TRHR: variants seen among roughly 807,000 people sequenced by gnomAD.
The protein encoded by TRHR is thyrotropin-releasing hormone receptor.
Under a neutral mutation model 28.0 loss-of-function variants are expected in TRHR, and 14 were observed. That is an observed-to-expected ratio of 0.50 (90% CI 0.33 to 0.78). TRHR has a LOEUF of 0.78. TRHR is among the 30% of genes least tolerant of loss of function. The pLI is 0.02. For missense variants in TRHR, 438 were observed against 469.5 expected (o/e 0.93, Z 0.62); for synonymous variants, 176 against 171.9 (o/e 1.02, Z -0.18).
intron 2 of TRHR, among the ~76,000 whole-genome samples, chr8:109,111,645 T>C (rs1473270672): frequency 6.6e-6 from 1 of 152,206 alleles, no homozygotes; most frequent in Non-Finnish European, 1.5e-5. Flanking sequence ...CATAACTCCA[T>C]AATTATATTT....
intron 2 of TRHR, among the ~76,000 whole-genome samples, chr8:109,104,441 G>A (rs541766010): frequency 1.3e-5 from 2 of 152,202 alleles, no homozygotes; most frequent in East Asian, 3.9e-4. Flanking sequence ...ACTGCTAGGG[G>A]AAATGCTATG....
chr8:109,087,472 T>C lies in TRHR; in HGVS notation c.-41T>C. ...AGGTGGGCGCTGGAAAGAAGATGTT[T>C]TGAGAAGTCAGTGTTTCCGAGAAAC... On this transcript the variant is annotated 5_prime_UTR_variant, in exon 2 of 3. Coordinates refer to ENST00000518632, the MANE Select transcript of TRHR (RefSeq NM_003301.7). 1.2e-6 allele frequency: 2 copies of C among 1,611,610 alleles called. No individual in the cohort carries two copies. The highest frequency in any genetic ancestry group is 1.7e-6 in the Non-Finnish European group (2 of 1,178,638).
chr8:109,100,375 C>T (rs1225367872), intron 2 of TRHR, among the ~76,000 whole-genome samples: 2 of 151,922 alleles, frequency 1.3e-5, no homozygotes, highest in East Asian at 3.8e-4. Flanking sequence ...GCAATCAAAT[C>T]AATACGTTGG....
chr8:109,120,313 G>A lies in TRHR; in HGVS notation c.*858G>A, dbSNP rs557060615. The stretch of plus-strand genomic sequence containing the variant: ...AATTAGATTTTGCTTCTTCTCTGAC[G>A]CTTTTAAGCAATAAAATCTTTTTGA... On this transcript the variant is annotated 3_prime_UTR_variant, in exon 3 of 3. Transcript: ENST00000518632. Among the ~76,000 whole-genome samples, 2 of 151,878 alleles carry A rather than the reference G, an allele frequency of 1.3e-5. No individual in the cohort carries two copies. Among genetic ancestry groups the A allele is most frequent in the East Asian group, 1.9e-4 (1 of 5,140 alleles).
At chr8:109,116,430 C>T (rs1251951780) in intron 2 of TRHR, among the ~76,000 whole-genome samples, 1 of 152,042 alleles carries the variant, frequency 6.6e-6, no homozygotes, top group Admixed American at 6.6e-5. Context: ...TCCTTCTGCT[C>T]CTGGACTTTT....
chr8:109,107,723 C>A (rs1326030547), intron 2 of TRHR, among the ~76,000 whole-genome samples: 2 of 152,000 alleles, frequency 1.3e-5, no homozygotes, highest in Non-Finnish European at 2.9e-5. Flanking sequence ...ATCAAGGATG[C>A]AGATTTCAAG....
chr8:109,119,022 C>G, intron 2 of TRHR, 26 bp from the exon 3 acceptor site: 1 of 1,612,060 alleles, frequency 6.2e-7, no homozygotes, highest in Non-Finnish European at 8.5e-7. Context: ...TGTGTTTGTA[C>G]AGCATTTCTC....
rs543865361 is a variant in TRHR at position 109,104,476 on chromosome 8, T to C, written c.790-14572T>C. On this transcript the variant is annotated intron_variant, in intron 2 of 2. Transcript: ENST00000518632. ...GCACAAAAGCCTTTGGAACGAGTAG[T>C]GATTTCCTTGTATACTACCTGGCCA... 2.0e-5 allele frequency among the ~76,000 whole-genome samples: 3 copies of C among 152,282 alleles called. No homozygotes were observed. The South Asian group carries it at 6.2e-4, about 32-fold the overall frequency.
Position 109,120,883 on chromosome 8 carries a change from C to T in TRHR, c.*1428C>T, listed in dbSNP as rs953837751. Among the ~76,000 whole-genome samples, 10 of 151,558 alleles carry T rather than the reference C, an allele frequency of 6.6e-5. No homozygotes were observed. Among genetic ancestry groups the T allele is most frequent in the African/African-American group, 2.2e-4 (9 of 41,346 alleles). On this transcript the variant is annotated 3_prime_UTR_variant, in exon 3 of 3. Transcript: ENST00000518632. ...TTAATGAGTAGATCAAAAAAGTACC[C>T]ATACCTTTACATGCCCGTAGGCTGT...
chr8:109,100,681 A>G (rs55942538), intron 2 of TRHR, among the ~76,000 whole-genome samples: 5,169 of 152,278 alleles, frequency 0.034, 312 homozygotes, highest in African/African-American at 0.12. Flanking sequence ...TACAGAAGAC[A>G]GAATAGTAAG....
intron 2 of TRHR, among the ~76,000 whole-genome samples, chr8:109,103,263 C>A (rs1200046185): frequency 6.6e-6 from 1 of 152,076 alleles, no homozygotes; most frequent in Admixed American, 6.6e-5. Flanking sequence ...TGTTCACAGT[C>A]CATTTTTTTT....
At chr8:109,097,578 A>C (rs763254020) in intron 2 of TRHR, among the ~76,000 whole-genome samples, 8 of 152,212 alleles carry the variant, frequency 5.3e-5, no homozygotes, top group Non-Finnish European at 8.8e-5. Flanking sequence ...AGAAGAGACA[A>C]GAAAGTGGTA....
At chr8:109,108,497 A>G (rs775597550) in intron 2 of TRHR, among the ~76,000 whole-genome samples, 2 of 152,174 alleles carry the variant, frequency 1.3e-5, no homozygotes, top group Non-Finnish European at 2.9e-5. Flanking sequence ...GCCAGCCTAG[A>G]TGCCCAATTA....
intron 2 of TRHR, among the ~76,000 whole-genome samples, chr8:109,090,507 C>T (rs1048541553): frequency 2.6e-5 from 4 of 152,124 alleles, no homozygotes; most frequent in Non-Finnish European, 5.9e-5. Flanking sequence ...GAATGAAGTT[C>T]CCTTGTTGCA....
intron 2 of TRHR, among the ~76,000 whole-genome samples, chr8:109,092,954 T>C (rs565358509): frequency 1.3e-5 from 2 of 151,820 alleles, no homozygotes; most frequent in African/African-American, 4.8e-5. Flanking sequence ...TTTTTTTTTT[T>C]AAACACAATT....
At chr8:109,114,224 T>G (rs577875507) in intron 2 of TRHR, among the ~76,000 whole-genome samples, 1 of 152,216 alleles carries the variant, frequency 6.6e-6, no homozygotes, top group East Asian at 1.9e-4. Context: ...GGACAAGCCA[T>G]CAAGCCTAGA....
At chr8:109,106,686 A>G (rs1255512378) in intron 2 of TRHR, among the ~76,000 whole-genome samples, 1 of 152,182 alleles carries the variant, frequency 6.6e-6, no homozygotes, top group Non-Finnish European at 1.5e-5. Flanking sequence ...ACCAGGAAAG[A>G]AACCAGACAC....
intron 2 of TRHR, among the ~76,000 whole-genome samples, chr8:109,092,277 G>T (rs1463769870): frequency 6.6e-6 from 1 of 151,884 alleles, no homozygotes; most frequent in Non-Finnish European, 1.5e-5. Flanking sequence ...AGTAATGGCA[G>T]AATTTTTACT....
rs1811994860 is a variant in TRHR at position 109,120,679 on chromosome 8, T to C, written c.*1224T>C. Among the ~76,000 whole-genome samples the C allele has an allele frequency of 6.6e-6, 1 of 151,830 alleles. No individual in the cohort carries two copies. Among genetic ancestry groups the C allele is most frequent in the Admixed American group, 6.6e-5 (1 of 15,196 alleles). ...AACTGATTTCATCATATTATCAGTA[T>C]GTCATCTTTATATTTATGACTGACA... On this transcript the variant is annotated 3_prime_UTR_variant, in exon 3 of 3. Coordinates refer to ENST00000518632, the MANE Select transcript of TRHR (RefSeq NM_003301.7).
Sources: allele counts gnomAD v4.1 joint callset (sites outside exome capture counted in the v4.1 genomes callset), GRCh38; gene constraint gnomAD v4.1.1; transcripts MANE v1.5; gene names NCBI Gene and HGNC (gene_info 2026-07-23, HGNC 2026-07-21).